MTCH2: variants seen among roughly 807,000 people sequenced by gnomAD.
The protein encoded by MTCH2 is mitochondrial carrier homolog 2.
MTCH2 carries 25 observed loss-of-function variants against 50.6 expected under a neutral mutation model. The ratio of observed to expected loss-of-function variants is 0.49; its 90% CI spans 0.36 to 0.69. The LOEUF is 0.69. Among genes scored for constraint, MTCH2 ranks in the 30% least tolerant of loss-of-function variants. The pLI is 0.00. For missense variants in MTCH2, 273 were observed against 384.4 expected (o/e 0.71, Z 2.42); for synonymous variants, 106 against 132.0 (o/e 0.80, Z 1.35).
chr11:47,629,536 C>A (rs2097301077), intron 8 of MTCH2, among the ~76,000 whole-genome samples: 2 of 152,038 alleles, frequency 1.3e-5, no homozygotes, highest in Admixed American at 1.3e-4. Context: ...CTAGGTGAGG[C>A]AGCATGGAAT....
At chr11:47,615,031 CTTTTTTTTTTTTTT>C (rs61122824), downstream of MTCH2, among the ~76,000 whole-genome samples, 51 of 44,886 alleles carry the variant, frequency 1.1e-3, 1 homozygote, top group African/African-American at 3.2e-3. Flanking sequence ...CCCAGTGAGG[CTTTTTTTTTTTTTT>C]TTTTTTTTTT....
chr11:47,606,065 C>G, the MTCH2 span, among the ~76,000 whole-genome samples: 2 of 152,078 alleles, frequency 1.3e-5, no homozygotes, highest in East Asian at 3.9e-4. Context: ...TCCTTTTCGC[C>G]GCAGCTTTCA....
Position 47,634,687 on chromosome 11 carries a change from G to C in MTCH2, c.354C>G (p.Asp118Glu), listed in dbSNP as rs1222014230. 1 of 1,610,972 alleles carries C rather than the reference G, an allele frequency of 6.2e-7. No homozygotes were observed. The highest frequency in any genetic ancestry group is 8.5e-7 in the Non-Finnish European group (1 of 1,177,986). ...CATCTCTTACCTCCTTGATAACGTGGTCAAAGGAAGATGAGACTTCTTTCT... is the reference window on the plus strand; with the variant it reads ...CATCTCTTACCTCCTTGATAACGTGCTCAAAGGAAGATGAGACTTCTTTCT... ...NVQKEVSSSF[D>E]HVIKETTREM... Residue 118 changes from aspartate to glutamate, a missense_variant, in exon 5 of 13, where the codon GAC becomes GAG. Asp to Glu is a conservative substitution (Grantham distance 45). Transcript: ENST00000302503.
At chr11:47,609,480 A>T in the MTCH2 span, among the ~76,000 whole-genome samples, 1 of 131,202 alleles carries the variant, frequency 7.6e-6, no homozygotes, top group Non-Finnish European at 1.7e-5. Flanking sequence ...AAAAAAAAAA[A>T]GCCAGGCATC....
At chr11:47,617,278 A>G (rs930452198), downstream of MTCH2, 1 of 152,238 alleles carries the variant, frequency 6.6e-6, no homozygotes, top group Non-Finnish European at 1.5e-5. Context: ...GGAATAGGCA[A>G]GCATGAAAGT....
At chr11:47,638,114 T>C (rs953594218) in intron 3 of MTCH2, among the ~76,000 whole-genome samples, 3 of 152,088 alleles carry the variant, frequency 2.0e-5, no homozygotes, top group Non-Finnish European at 4.4e-5. Flanking sequence ...TCAGGGTACC[T>C]GGTTACCTCA....
At chr11:47,642,233 C>T (rs1161385226) in intron 1 of MTCH2, 146 bp downstream of exon 1, 3 of 674,508 alleles carry the variant, frequency 4.4e-6, no homozygotes, top group Non-Finnish European at 4.7e-6. Context: ...AGGAAGCTGT[C>T]CCTGCGGGGA....
chr11:47,609,437 G>A, the MTCH2 span, among the ~76,000 whole-genome samples: 9 of 133,700 alleles, frequency 6.7e-5, no homozygotes, highest in South Asian at 1.7e-3. Context: ...CAGCCTGGGC[G>A]ACAGAGTGAG....
chr11:47,619,476 C>T (rs1207202736), intron 12 of MTCH2, among the ~76,000 whole-genome samples: 2 of 152,038 alleles, frequency 1.3e-5, no homozygotes, highest in Non-Finnish European at 1.5e-5. Context: ...TCAAGTGATC[C>T]GCCTATCTTG....
At chr11:47,630,806 T>C (rs992550887) in intron 7 of MTCH2, among the ~76,000 whole-genome samples, 192 bp from the exon 8 acceptor site, 4 of 152,176 alleles carry the variant, frequency 2.6e-5, no homozygotes, top group Admixed American at 6.6e-5. Context: ...CCTAGGGGTA[T>C]AGTCATATGG....
intron 10 of MTCH2, 72 bp from the exon 11 acceptor site, chr11:47,625,813 G>A (rs1366462785): frequency 8.1e-7 from 1 of 1,236,860 alleles, no homozygotes; most frequent in Admixed American, 1.8e-5. Context: ...TTACCTTAAA[G>A]GCCTAGTGCC....
rs368528350 is a variant in MTCH2, at chr11:47,636,920, C to T, written c.280-1349G>A. ...AATAATAAATTTAAAGAAATAATTACAAAATAAGAACAACAACAAAAAAGA... is the reference window on the plus strand; with the variant it reads ...AATAATAAATTTAAAGAAATAATTATAAAATAAGAACAACAACAAAAAAGA... On this transcript the variant is annotated intron_variant, in intron 3 of 12. Transcript: ENST00000302503. Among the ~76,000 whole-genome samples, 6 of 147,762 alleles carry T rather than the reference C, an allele frequency of 4.1e-5. No homozygotes were observed. In the East Asian group the frequency reaches 1.2e-3, roughly 29 times the overall value.
chr11:47,633,522 ATATATT>A (rs1169423380), intron 5 of MTCH2, among the ~76,000 whole-genome samples: 9 of 26,518 alleles, frequency 3.4e-4, no homozygotes, highest in Admixed American at 1.2e-3. Flanking sequence ...ATATATATAT[ATATATT>A]TTTTTTTTTT....
At chr11:47,616,366 CTTTTT>C (rs762038724), downstream of MTCH2, among the ~76,000 whole-genome samples, 4 of 151,762 alleles carry the variant, frequency 2.6e-5, no homozygotes, top group Non-Finnish European at 4.4e-5. Context: ...TTTTCTTTTT[CTTTTT>C]TTTAAGAGAC....
chr11:47,626,992 A>G (rs2097298799), intron 10 of MTCH2, 88 bp downstream of exon 10: 3 of 964,348 alleles, frequency 3.1e-6, no homozygotes, highest in Non-Finnish European at 4.7e-6. Context: ...GTTATCTTAA[A>G]GCAGTGATGA....
the MTCH2 span, among the ~76,000 whole-genome samples, chr11:47,607,519 C>T: frequency 6.6e-6 from 1 of 152,142 alleles, no homozygotes; most frequent in African/African-American, 2.4e-5. Context: ...GACCTCTACC[C>T]CTTCAGATGG....
chr11:47,630,934 G>T (rs1049058839), intron 7 of MTCH2, 102 bp downstream of exon 7: 11 of 1,000,676 alleles, frequency 1.1e-5, no homozygotes, highest in Admixed American at 1.1e-4. Context: ...ATACGAATTT[G>T]TTCTACAAAT....
Position 47,631,839 on chromosome 11 carries a change from G to A in MTCH2, c.370-128C>T, listed in dbSNP as rs917395953. ...ATGACACAGCCCTCCTGCCCTGGCT[G>A]GAGTCAAGAAGAGTTTGAATGGGAT... On this transcript the variant is annotated intron_variant, in intron 5 of 12. Coordinates refer to ENST00000302503, the MANE Select transcript of MTCH2 (RefSeq NM_014342.4). 2.6e-5 allele frequency: 23 copies of A among 885,258 alleles called. No homozygotes were observed. The South Asian group carries it at 2.8e-4, about 11-fold the overall frequency. 54.8% of individuals were successfully genotyped at this position (885,258 alleles called of 1,614,324 possible).
chr11:47,640,440 G>C (rs1255560279), intron 1 of MTCH2, among the ~76,000 whole-genome samples: 1 of 152,132 alleles, frequency 6.6e-6, no homozygotes, highest in Non-Finnish European at 1.5e-5. Context: ...TTTGGAGACA[G>C]AGTTTCGCTC....
Sources: allele counts gnomAD v4.1 joint callset (sites outside exome capture counted in the v4.1 genomes callset), GRCh38; gene constraint gnomAD v4.1.1; transcripts MANE v1.5; gene names NCBI Gene and HGNC (gene_info 2026-07-23, HGNC 2026-07-21).